SUPT3H: variants seen among roughly 807,000 people sequenced by gnomAD.
The protein encoded by SUPT3H is SPT3 homolog, SAGA and STAGA complex component, also known as transcription initiation protein SPT3 homolog.
Under a neutral mutation model 44.3 loss-of-function variants are expected in SUPT3H, and 44 were observed. That is an observed-to-expected ratio of 0.99 (90% CI 0.78 to 1.28). The LOEUF is 1.28. Ranked by LOEUF, SUPT3H falls within the 50% of genes most tolerant of loss-of-function variation. SUPT3H has a pLI of 0.00. For synonymous variants in SUPT3H, 124 were observed against 125.6 expected, an observed-to-expected ratio of 0.99 and a Z score of 0.09; for missense variants, 380 against 387.1, an observed-to-expected ratio of 0.98 and a Z score of 0.15.
chr6:45,068,713 T>C (rs1793859204), intron 3 of SUPT3H, among the ~76,000 whole-genome samples: 1 of 152,136 alleles, frequency 6.6e-6, no homozygotes, highest in Admixed American at 6.5e-5. Flanking sequence ...TGTCACTGTG[T>C]AGATCATGTA....
At chr6:45,309,079 TAAAAAG>T (rs760490911) in intron 2 of SUPT3H, among the ~76,000 whole-genome samples, 116 of 147,656 alleles carry the variant, frequency 7.9e-4, no homozygotes, top group Non-Finnish European at 1.5e-3. Flanking sequence ...TCATTTTGAA[TAAAAAG>T]AAAAATAAAT....
intron 2 of SUPT3H, among the ~76,000 whole-genome samples, chr6:45,283,389 A>C (rs1465288541): frequency 6.6e-6 from 1 of 152,166 alleles, no homozygotes; most frequent in African/African-American, 2.4e-5. Flanking sequence ...GGATGGAGGA[A>C]GATCTACCAA....
At chr6:44,922,968 G>T (rs946455866) in intron 10 of SUPT3H, among the ~76,000 whole-genome samples, 6 of 151,952 alleles carry the variant, frequency 3.9e-5, no homozygotes, top group African/African-American at 1.4e-4. Context: ...GTCACTCCAA[G>T]GATTTTCTTC....
At chr6:44,974,746 C>T (rs752948035) in intron 6 of SUPT3H, among the ~76,000 whole-genome samples, 6 of 152,176 alleles carry the variant, frequency 3.9e-5, no homozygotes, top group Non-Finnish European at 7.3e-5. Context: ...GGAAAAACTG[C>T]TCCTAAAACA....
chr6:45,030,305 TATATA>T (rs1296633465), intron 3 of SUPT3H, among the ~76,000 whole-genome samples: 1 of 152,198 alleles, frequency 6.6e-6, no homozygotes, highest in Non-Finnish European at 1.5e-5. Flanking sequence ...TTTGGTTGCC[TATATA>T]ATATGTGCTT....
intron 2 of SUPT3H, among the ~76,000 whole-genome samples, chr6:45,112,419 TG>T (rs953433663): frequency 2.0e-5 from 3 of 151,368 alleles, no homozygotes; most frequent in Non-Finnish European, 3.0e-5. Flanking sequence ...AAAAAAAAGG[TG>T]GGGGGTGTTG....
At chr6:44,814,191 C>T (rs1766745558) in intron 11 of SUPT3H, among the ~76,000 whole-genome samples, 1 of 152,148 alleles carries the variant, frequency 6.6e-6, no homozygotes, top group Admixed American at 6.5e-5. Flanking sequence ...AAATAATGCA[C>T]ATTTTATAAT....
chr6:44,925,159 C>G (rs998428765), intron 10 of SUPT3H, among the ~76,000 whole-genome samples: 1 of 151,980 alleles, frequency 6.6e-6, no homozygotes, highest in Non-Finnish European at 1.5e-5. Context: ...TCTCTAGTAC[C>G]CTCTAATAAA....
Position 44,828,077 on chromosome 6 carries a change from A to AATGTGGGAGAGAAGGAATTTTG in SUPT3H, c.*1717_*1738dup, listed in dbSNP as rs1321684439. ...GCCTTGTGCATACTTTAAAATGTAT[A>AATGTGGGAGAGAAGGAATTTTG]ATGTGGGAGAGAAGGAATTTTGATG... On this transcript the variant is annotated 3_prime_UTR_variant, in exon 11 of 11. Coordinates refer to ENST00000371459, the MANE Select transcript of SUPT3H (RefSeq NM_003599.4). Among the ~76,000 whole-genome samples, 3 of 152,138 alleles carry AATGTGGGAGAGAAGGAATTTTG rather than the reference A, an allele frequency of 2.0e-5. No homozygotes were observed. The highest frequency in any genetic ancestry group is 4.4e-5 in the Non-Finnish European group (3 of 68,000).
At chr6:45,139,550 C>G (rs1331960448) in intron 2 of SUPT3H, among the ~76,000 whole-genome samples, 1 of 95,568 alleles carries the variant, frequency 1.0e-5, no homozygotes, top group Non-Finnish European at 2.0e-5. Flanking sequence ...TTCCACGAGA[C>G]AGGAGAAAAA....
chr6:44,815,871 C>T (rs1766872002), intron 11 of SUPT3H, among the ~76,000 whole-genome samples: 1 of 151,474 alleles, frequency 6.6e-6, no homozygotes. Context: ...AGGCAAAAAC[C>T]GTGATTACTT....
chr6:45,357,348 T>G (rs537902441), intron 2 of SUPT3H, among the ~76,000 whole-genome samples: 1 of 152,156 alleles, frequency 6.6e-6, no homozygotes, highest in African/African-American at 2.4e-5. Context: ...TTTTTTATTT[T>G]TTGAGACAGT....
intron 10 of SUPT3H, among the ~76,000 whole-genome samples, chr6:44,832,291 G>A (rs1251902794): frequency 6.6e-6 from 1 of 152,072 alleles, no homozygotes; most frequent in Non-Finnish European, 1.5e-5. Context: ...CTTGGTGTGA[G>A]GGCCTTCCAG....
chr6:45,320,064 T>C (rs1486302823), intron 2 of SUPT3H, among the ~76,000 whole-genome samples: 1 of 152,120 alleles, frequency 6.6e-6, no homozygotes, highest in Non-Finnish European at 1.5e-5. Flanking sequence ...ATGATCAAGA[T>C]GAACTTGCAT....
chr6:44,844,688 A>G (rs1440593191), intron 10 of SUPT3H, among the ~76,000 whole-genome samples: 3 of 152,240 alleles, frequency 2.0e-5, no homozygotes, highest in Non-Finnish European at 2.9e-5. Context: ...TACAAATGGG[A>G]AAATTATAGG....
intron 2 of SUPT3H, among the ~76,000 whole-genome samples, chr6:45,287,412 G>A (rs1779503214): frequency 6.6e-6 from 1 of 152,032 alleles, no homozygotes. Flanking sequence ...ATCCATATAA[G>A]GCATTTAGCC....
chr6:44,852,877 A>G (rs1773112663), intron 10 of SUPT3H, among the ~76,000 whole-genome samples: 1 of 152,224 alleles, frequency 6.6e-6, no homozygotes, highest in Admixed American at 6.5e-5. Flanking sequence ...TACGTACAGT[A>G]TTAGCTAACT....
At position 44,874,634 on chromosome 6, in the gene SUPT3H, T is replaced by A. The variant is rs1366616172; in HGVS notation, c.913-44777A>T. ...CTCACCACTCCTATTCAACATAGTG[T>A]TGGAAGTTCTGGCCAGGGCAATCAG... is the stretch of plus-strand genomic sequence containing the variant. On this transcript the variant is annotated intron_variant, in intron 10 of 10. Transcript: ENST00000371459. Among the ~76,000 whole-genome samples, 6 of 88,548 alleles carry A rather than the reference T, an allele frequency of 6.8e-5. No homozygotes were observed. The East Asian group carries it at 1.9e-3, about 27-fold the overall frequency. The allele number at this position is 88,548 out of a possible 152,430, so 58.1% of individuals were successfully genotyped here.
downstream of SUPT3H, among the ~76,000 whole-genome samples, chr6:44,824,236 T>C (rs746658813): frequency 1.3e-5 from 2 of 152,216 alleles, no homozygotes; most frequent in East Asian, 1.9e-4. Context: ...GCTGCAGTAG[T>C]TGGTGCTGCT....
Sources: allele counts gnomAD v4.1 joint callset (sites outside exome capture counted in the v4.1 genomes callset), GRCh38; gene constraint gnomAD v4.1.1; transcripts MANE v1.5; gene names NCBI Gene and HGNC (gene_info 2026-07-23, HGNC 2026-07-21).